Variants in KEAP1 observed in about 807,000 individuals in gnomAD.
KEAP1 encodes the protein kelch like ECH associated protein 1, also known as kelch-like ECH-associated protein 1.
A neutral mutation model predicts 59.7 loss-of-function variants in KEAP1; 26 were observed. That is an observed-to-expected ratio of 0.44 (90% CI 0.32 to 0.60). The LOEUF is 0.60. Among genes scored for constraint, KEAP1 ranks in the 20% least tolerant of loss-of-function variants. The pLI, the probability that KEAP1 is intolerant of heterozygous loss-of-function variation, is 0.06. For missense variants in KEAP1, 539 were observed against 871.4 expected, an observed-to-expected ratio of 0.62 and a Z score of 4.80; for synonymous variants, 350 against 358.3, an observed-to-expected ratio of 0.98 and a Z score of 0.26.
chr19:10,492,194 G>A lies in KEAP1; in HGVS notation c.708C>T (p.Asp236=), dbSNP rs1276759021. The change falls in exon 3 of 6, where the codon GAC becomes GAT. Residue 236 remains aspartate (D), a synonymous_variant. Coordinates refer to ENST00000171111, the MANE Select transcript of KEAP1 (RefSeq NM_203500.2). ...CQLVTLISRD[D]LNVRCESEVF... The stretch of plus-strand genomic sequence containing the variant: ...CCTCGGACTCGCAGCGCACGTTCAG[G>A]TCGTCCCGGCTGATGAGGGTCACCA... 1 of 1,614,054 alleles carries A rather than the reference G, an allele frequency of 6.2e-7. No homozygotes were observed. The highest frequency in any genetic ancestry group is 8.5e-7 in the Non-Finnish European group (1 of 1,180,028).
At chr19:10,489,163 A>G (rs2144585651) in intron 5 of KEAP1, 29 bp downstream of exon 5, 3 of 1,587,368 alleles carry the variant, frequency 1.9e-6, no homozygotes, top group Non-Finnish European at 2.6e-6. Context: ...TGGGCTAGTC[A>G]GGACTCTTCC....
intron 5 of KEAP1, among the ~76,000 whole-genome samples, chr19:10,487,029 C>A (rs929482724): frequency 9.0e-6 from 1 of 111,006 alleles, no homozygotes; most frequent in Admixed American, 1.1e-4. Context: ...AAACCTTAGT[C>A]TCTTACTAAA....
chr19:10,502,494 C>T lies in KEAP1; in HGVS notation c.-48+747G>A, dbSNP rs1158302073. ...GCCTCCTGGTTCTCTCGCTCGGTTT[C>T]CGCCGCTCCCGGGCCACCCCAAGAG... On this transcript the variant is annotated intron_variant, in intron 1 of 5. Coordinates refer to ENST00000171111, the MANE Select transcript of KEAP1 (RefSeq NM_203500.2). The surrounding 1 kb of genome is among the most constrained non-coding windows in gnomAD (Gnocchi z 4.0). 1 of 152,302 alleles carries T rather than the reference C, an allele frequency of 6.6e-6. No homozygotes were observed. The highest frequency in any genetic ancestry group is 1.5e-5 in the Non-Finnish European group (1 of 68,144). The allele number at this position is 152,302 out of a possible 1,614,324, so 9.4% of individuals were successfully genotyped here.
intron 1 of KEAP1, among the ~76,000 whole-genome samples, chr19:10,500,846 G>A (rs1915020785): frequency 6.6e-6 from 1 of 151,940 alleles, no homozygotes; most frequent in African/African-American, 2.4e-5. Flanking sequence ...CACCCGGCTA[G>A]TTTTTGTATT....
Position 10,488,966 on chromosome 19 carries a change from G to A in KEAP1, c.1708+226C>T, listed in dbSNP as rs998310939. Reference sequence around the variant, plus strand: ...AAACATTAGCCGGGTGTGGTGGTGCGCGCCTGTGGTCCCTGCTACTTGGGA... The same window carrying A: ...AAACATTAGCCGGGTGTGGTGGTGCACGCCTGTGGTCCCTGCTACTTGGGA... On this transcript the variant is annotated intron_variant, in intron 5 of 5. Coordinates refer to ENST00000171111, the MANE Select transcript of KEAP1 (RefSeq NM_203500.2). Among the ~76,000 whole-genome samples, 15 of 151,622 alleles carry A rather than the reference G, an allele frequency of 9.9e-5. No individual in the cohort carries two copies. In the East Asian group the frequency reaches 1.9e-3, roughly 20 times the overall value.
chr19:10,494,132 C>T (rs932611035), intron 2 of KEAP1, among the ~76,000 whole-genome samples: 27 of 151,360 alleles, frequency 1.8e-4, no homozygotes, highest in African/African-American at 6.1e-4. Context: ...ATGGTAGAGA[C>T]GGGGTTTCAC....
In KEAP1 at chr19:10,486,770, G is replaced by C; in HGVS notation, c.1757C>G (p.Pro586Arg). Reference protein sequence around the residue: ...TFLDSVECYDPDTDTWSEVTR... With the variant: ...TFLDSVECYDRDTDTWSEVTR... Reference sequence around the variant, plus strand: ...CACCTCGCTCCAGGTGTCTGTATCTGGGTCGTAACACTCCACACTGTCCAG... The same window carrying C: ...CACCTCGCTCCAGGTGTCTGTATCTCGGTCGTAACACTCCACACTGTCCAG... Residue 586 changes from proline (P) to arginine (R), a missense_variant, in exon 6 of 6, where the codon CCA becomes CGA. Pro to Arg is a moderately radical substitution (Grantham distance 103). Transcript: ENST00000171111. 1 of 1,614,036 alleles carries C rather than the reference G, an allele frequency of 6.2e-7. No individual in the cohort carries two copies. The highest frequency in any genetic ancestry group is 8.5e-7 in the Non-Finnish European group (1 of 1,180,000).
chr19:10,496,793 C>T (rs1000115630), intron 2 of KEAP1, among the ~76,000 whole-genome samples: 1 of 151,202 alleles, frequency 6.6e-6, no homozygotes, highest in Admixed American at 6.6e-5. Flanking sequence ...TAGAGCCAGA[C>T]TCAGTCTCAA....
intron 5 of KEAP1, 150 bp downstream of exon 5, chr19:10,489,042 C>T (rs1017084401): frequency 4.6e-6 from 3 of 657,632 alleles, no homozygotes; most frequent in Non-Finnish European, 4.8e-6. Context: ...CTCCAGCGAG[C>T]TGTGATCACA....
At chr19:10,490,012 G>A (rs1423943747) in intron 3 of KEAP1, among the ~76,000 whole-genome samples, 159 bp from the exon 4 acceptor site, 1 of 151,938 alleles carries the variant, frequency 6.6e-6, no homozygotes, top group African/African-American at 2.4e-5. Context: ...AGCACTTTGG[G>A]AGGCCGAGGA....
rs367894153 is a variant in KEAP1 at position 10,496,494 on chromosome 19, C to CT, written c.639+2900_639+2901insA. Among the ~76,000 whole-genome samples the CT allele has an allele frequency of 8.6e-3, 1,094 of 127,626 alleles. 18 individuals are homozygous for CT. Among genetic ancestry groups the CT allele is most frequent in the African/African-American group, 0.03 (1,034 of 34,964 alleles). 83.7% of individuals were successfully genotyped at this position (127,626 alleles called of 152,430 possible). On this transcript the variant is annotated intron_variant, in intron 2 of 5. Transcript: ENST00000171111. Reference sequence around the variant, plus strand: ...CTGATGACAGAGTGAGACTCTGTCCCCCACCCCCAAAAAAAAAAAAAAGGG... The same window carrying CT: ...CTGATGACAGAGTGAGACTCTGTCCCTCCACCCCCAAAAAAAAAAAAAAGGG...
At position 10,491,609 on chromosome 19, in the gene KEAP1, G is replaced by A. The variant is rs2144596428; in HGVS notation, c.1293C>T (p.Ser431=). 1 of 1,581,354 alleles carries A rather than the reference G, an allele frequency of 6.3e-7. No individual in the cohort carries two copies. Among genetic ancestry groups the A allele is most frequent in the South Asian group, 1.2e-5 (1 of 85,842 alleles). Residue 431 remains serine, a synonymous_variant, in exon 3 of 6, where the codon TCC becomes TCT. Coordinates refer to ENST00000171111, the MANE Select transcript of KEAP1 (RefSeq NM_203500.2). The surrounding 1 kb of genome is among the most constrained non-coding windows in gnomAD (Gnocchi z 5.2). The part of the protein sequence containing the change: ...IDGHIYAVGG[S]HGCIHHNSVE... Reference sequence around the variant, plus strand: ...CACTGTTGTGGTGGATGCAGCCGTGGGAGCCGCCGACGGCATAGATGTGGC... The same window carrying A: ...CACTGTTGTGGTGGATGCAGCCGTGAGAGCCGCCGACGGCATAGATGTGGC...
At chr19:10,490,147 G>A (rs916049377) in intron 3 of KEAP1, among the ~76,000 whole-genome samples, 1 of 151,784 alleles carries the variant, frequency 6.6e-6, no homozygotes, top group South Asian at 2.1e-4. Flanking sequence ...AGCTACTCGG[G>A]AGGCTGAGGC....
At chr19:10,496,516 A>AAG (rs1914856950) in intron 2 of KEAP1, among the ~76,000 whole-genome samples, 1 of 146,158 alleles carries the variant, frequency 6.8e-6, no homozygotes, top group African/African-American at 2.6e-5. Context: ...AAAAAAAAAA[A>AAG]GGGGGCTTGG....
chr19:10,493,937 G>A (rs1286861401), intron 2 of KEAP1, among the ~76,000 whole-genome samples: 3 of 151,988 alleles, frequency 2.0e-5, no homozygotes, highest in Non-Finnish European at 4.4e-5. Flanking sequence ...GTGAGCCACC[G>A]GACCTGGCCT....
intron 2 of KEAP1, among the ~76,000 whole-genome samples, chr19:10,497,119 G>A (rs1399243483): frequency 2.1e-5 from 3 of 144,068 alleles, no homozygotes; most frequent in South Asian, 2.1e-4. Flanking sequence ...GTGAGACTCC[G>A]TCTCAAAAAA....
Position 10,502,063 on chromosome 19 carries a change from G to C in KEAP1, c.-48+1178C>G, listed in dbSNP as rs1454392243. Among the ~76,000 whole-genome samples the C allele has an allele frequency of 1.3e-5, 2 of 152,194 alleles. No homozygotes were observed. Among genetic ancestry groups the C allele is most frequent in the African/African-American group, 4.8e-5 (2 of 41,456 alleles). ...GCCCCAGCGCCTCAAATGGCAGGGA[G>C]ACCTATGTAGGTCGGCGTCGGGCCA... On this transcript the variant is annotated intron_variant, in intron 1 of 5. Transcript: ENST00000171111. This position sits in a 1 kb window ranked among gnomAD's most constrained non-coding sequence, Gnocchi z 4.0.
Position 10,491,344 on chromosome 19 carries a change from C to T in KEAP1, c.1325+233G>A, listed in dbSNP as rs1397257976. Among the ~76,000 whole-genome samples the T allele has an allele frequency of 6.6e-6, 1 of 152,144 alleles. No homozygotes were observed. Among genetic ancestry groups the T allele is most frequent in the Non-Finnish European group, 1.5e-5 (1 of 68,034 alleles). On this transcript the variant is annotated intron_variant, in intron 3 of 5. Transcript: ENST00000171111. This position sits in a 1 kb window ranked among gnomAD's most constrained non-coding sequence, Gnocchi z 5.2. ...AAACTGATGGAACATTTTCCAACTC[C>T]GCACAAAGGAACCATATGGGTTTGT... is the stretch of plus-strand genomic sequence containing the variant.
Position 10,499,754 on chromosome 19 carries a change from T to C in KEAP1, c.280A>G (p.Met94Val), listed in dbSNP as rs758883515. ...KYQDAPAAQF[M>V]AHKVVLASSS... ...GAGGCCAGCACCACCTTGTGGGCCA[T>C]GAACTGGGCGGCCGGTGCATCCTGG... The change falls in exon 2 of 6, where the codon ATG becomes GTG. Residue 94 changes from methionine (M) to valine (V), a missense_variant. Physicochemically the swap from Met to Val is conservative, Grantham distance 21. Coordinates refer to ENST00000171111, the MANE Select transcript of KEAP1 (RefSeq NM_203500.2). This position sits in a 1 kb window ranked among gnomAD's most constrained non-coding sequence, Gnocchi z 6.7. The C allele has an allele frequency of 2.5e-5, 41 of 1,614,044 alleles. No individual in the cohort carries two copies. Among genetic ancestry groups the C allele is most frequent in the Non-Finnish European group, 3.4e-5 (40 of 1,180,052 alleles).
Sources: gnomAD v4.1 joint callset for allele counts (sites outside exome capture counted in the v4.1 genomes callset) on GRCh38, gnomAD v4.1.1 for gene constraint, Gnocchi (gnomAD v3.1) non-coding constraint, MANE v1.5 for transcripts, NCBI Gene and HGNC (gene_info 2026-07-23, HGNC 2026-07-21) for gene names.